Variants in IGF1R observed in about 807,000 individuals in gnomAD.
The protein encoded by IGF1R is insulin like growth factor 1 receptor.
Under a neutral mutation model 144.6 loss-of-function variants are expected in IGF1R, and 44 were observed. The ratio of observed to expected loss-of-function variants is 0.30; its 90% CI spans 0.24 to 0.39. The LOEUF (loss-of-function observed/expected upper bound fraction) is 0.39. Ranked by LOEUF, IGF1R falls within the 10% of genes least tolerant of loss-of-function variation. The probability of loss-of-function intolerance (pLI) is 1.00; values close to 1 mark genes in which losing one functional copy is unlikely to be tolerated. For synonymous variants in IGF1R, 795 were observed against 722.8 expected (o/e 1.10, Z -1.60); for missense variants, 1,355 against 1,833.7 (o/e 0.74, Z 4.77).
Position 98,935,385 on chromosome 15 carries a change from G to A in IGF1R, c.3256G>A (p.Asp1086Asn), listed in dbSNP as rs1277066179. 1 of 1,551,510 alleles carries A rather than the reference G, an allele frequency of 6.4e-7. No homozygotes were observed. Among genetic ancestry groups the A allele is most frequent in the East Asian group, 2.4e-5 (1 of 40,920 alleles). ...LVIMELMTRG[D>N]LKSYLRSLRP... ...CATCATGGAACTGATGACACGGGGCGATCTCAAAAGTTATCTCCGGTCTCT... is the reference window on the plus strand; with the variant it reads ...CATCATGGAACTGATGACACGGGGCAATCTCAAAAGTTATCTCCGGTCTCT... The change falls in exon 17 of 21, where the codon GAT becomes AAT. Residue 1086 changes from aspartate to asparagine, a missense_variant. By Grantham distance (23) the Asp-to-Asn change is conservative. Coordinates refer to ENST00000650285, the MANE Select transcript of IGF1R (RefSeq NM_000875.5). This position sits in a 1 kb window ranked among gnomAD's most constrained non-coding sequence, Gnocchi z 4.2.
At chr15:98,845,535 C>CCTCCTCCTCCCCCTCCTCT (rs1412438163) in intron 2 of IGF1R, among the ~76,000 whole-genome samples, 27 of 141,378 alleles carry the variant, frequency 1.9e-4, no homozygotes, top group African/African-American at 5.8e-4. Context: ...CCCCCTCCTT[C>CCTCCTCCTCCCCCTCCTCT]CTCCTCCTCC....
At chr15:98,789,630 C>G (rs1169216255) in intron 2 of IGF1R, among the ~76,000 whole-genome samples, 1 of 152,144 alleles carries the variant, frequency 6.6e-6, no homozygotes, top group Non-Finnish European at 1.5e-5. Flanking sequence ...TGATGTAGAC[C>G]TTTAACATTG....
chr15:98,924,469 G>A (rs914826781), intron 12 of IGF1R, 56 bp from the exon 13 acceptor site: 1 of 1,575,752 alleles, frequency 6.3e-7, no homozygotes, highest in Non-Finnish European at 8.7e-7. Context: ...TAGTTGGCAG[G>A]CCCCAGATTT....
In IGF1R at chr15:98,854,763, G is replaced by C. The variant is rs913150302; in HGVS notation, c.641-36562G>C. Among the ~76,000 whole-genome samples, 45 of 152,158 alleles carry C rather than the reference G, an allele frequency of 3.0e-4. 1 individual carries two copies. The highest frequency in any genetic ancestry group is 1.5e-5 in the Non-Finnish European group (1 of 68,020). On this transcript the variant is annotated intron_variant, in intron 2 of 20. Coordinates refer to ENST00000650285, the MANE Select transcript of IGF1R (RefSeq NM_000875.5). The stretch of plus-strand genomic sequence containing the variant: ...GGAATAGAAGAGCCCTGTGACTTGA[G>C]ACAAGCTTTGAGTGACACCCAGTGA...
chr15:98,760,806 A>G (rs1431191508), intron 2 of IGF1R, among the ~76,000 whole-genome samples: 1 of 152,224 alleles, frequency 6.6e-6, no homozygotes, highest in Non-Finnish European at 1.5e-5. Flanking sequence ...GTATTATGTA[A>G]GAAGGCTTAT....
rs2014871088 is a variant in IGF1R at position 98,909,125 on chromosome 15, G to A, written c.1462+226G>A. Among the ~76,000 whole-genome samples, 3 of 152,190 alleles carry A rather than the reference G, an allele frequency of 2.0e-5. No homozygotes were observed. In the South Asian group the frequency reaches 6.2e-4, roughly 31 times the overall value. ...ATAAATTCTGTACATCTCTGTGAGTGTGTGAAACACTTATAAGTAGGTTCT... is the reference window on the plus strand; with the variant it reads ...ATAAATTCTGTACATCTCTGTGAGTATGTGAAACACTTATAAGTAGGTTCT... On this transcript the variant is annotated intron_variant, in intron 6 of 20. Transcript: ENST00000650285.
At chr15:98,787,667 A>G (rs1329511698) in intron 2 of IGF1R, among the ~76,000 whole-genome samples, 1 of 151,900 alleles carries the variant, frequency 6.6e-6, no homozygotes, top group East Asian at 1.9e-4. Context: ...CTCTTAAAAC[A>G]GAGACCTCTC....
chr15:98,907,160 C>G (rs990081200), intron 5 of IGF1R, among the ~76,000 whole-genome samples: 3 of 152,172 alleles, frequency 2.0e-5, no homozygotes, highest in Non-Finnish European at 2.9e-5. Context: ...GGTCCTGGGT[C>G]CCAGTCTCTG....
At chr15:98,836,085 A>G (rs2057094356) in intron 2 of IGF1R, among the ~76,000 whole-genome samples, 1 of 152,214 alleles carries the variant, frequency 6.6e-6, no homozygotes, top group Non-Finnish European at 1.5e-5. Flanking sequence ...GACAATTATG[A>G]AATTCGTCCA....
chr15:98,937,378 C>T (rs2251687), intron 17 of IGF1R, among the ~76,000 whole-genome samples: 86,763 of 151,956 alleles, frequency 0.57, 25,111 homozygotes, highest in South Asian at 0.7. Context: ...CCTGGCTCTG[C>T]GGCTGGCTGC....
In IGF1R at chr15:98,682,691, G is replaced by A. The variant is rs574678546; in HGVS notation, c.95-24871G>A. Among the ~76,000 whole-genome samples the A allele has an allele frequency of 1.6e-3, 238 of 152,064 alleles. 2 individuals carry two copies. The highest frequency in any genetic ancestry group is 4.6e-3 in the Admixed American group (70 of 15,266). ...GCCTTCCAGGTAGCTGGGATTACAGGCACGTGCCACCATGCCTGGCTAATT... is the reference window on the plus strand; with the variant it reads ...GCCTTCCAGGTAGCTGGGATTACAGACACGTGCCACCATGCCTGGCTAATT... On this transcript the variant is annotated intron_variant, in intron 1 of 20. Coordinates refer to ENST00000650285, the MANE Select transcript of IGF1R (RefSeq NM_000875.5).
At chr15:98,802,190 T>C (rs1439424779) in intron 2 of IGF1R, among the ~76,000 whole-genome samples, 9 of 152,204 alleles carry the variant, frequency 5.9e-5, no homozygotes, top group Admixed American at 5.9e-4. Flanking sequence ...CGAGAGGGAA[T>C]GAGTTGAGGA....
chr15:98,765,755 G>A (rs2055421318), intron 2 of IGF1R, among the ~76,000 whole-genome samples: 1 of 152,150 alleles, frequency 6.6e-6, no homozygotes, highest in South Asian at 2.1e-4. Flanking sequence ...TGCATTCTTT[G>A]CAGTACCCTA....
At chr15:98,743,103 C>A (rs1221132674) in intron 2 of IGF1R, among the ~76,000 whole-genome samples, 1 of 152,096 alleles carries the variant, frequency 6.6e-6, no homozygotes, top group African/African-American at 2.4e-5. Flanking sequence ...TCTTTTACTT[C>A]CTTTTCTACC....
At position 98,698,220 on chromosome 15, in the gene IGF1R, G is replaced by C. The variant is rs995776075; in HGVS notation, c.95-9342G>C. Among the ~76,000 whole-genome samples, 6 of 147,614 alleles carry C rather than the reference G, an allele frequency of 4.1e-5. No homozygotes were observed. In the East Asian group the frequency reaches 1.2e-3, roughly 31 times the overall value. Reference sequence around the variant, plus strand: ...TGCCTGGCTAATTTTTGTATTTTTAGTGGAGATGGGGTTTCACCATGTTGG... The same window carrying C: ...TGCCTGGCTAATTTTTGTATTTTTACTGGAGATGGGGTTTCACCATGTTGG... On this transcript the variant is annotated intron_variant, in intron 1 of 20. Coordinates refer to ENST00000650285, the MANE Select transcript of IGF1R (RefSeq NM_000875.5).
chr15:98,666,688 A>C (rs182415258), intron 1 of IGF1R, among the ~76,000 whole-genome samples: 2 of 152,314 alleles, frequency 1.3e-5, no homozygotes, highest in Admixed American at 6.5e-5. Context: ...TAGAGTAGTC[A>C]CATTCATAGA....
intron 3 of IGF1R, among the ~76,000 whole-genome samples, chr15:98,894,891 G>T (rs773113093): frequency 6.6e-6 from 1 of 151,976 alleles, no homozygotes; most frequent in East Asian, 1.9e-4. Context: ...CCTGGTGATG[G>T]GTGCCTGTAT....
At chr15:98,703,786 G>C (rs967038567) in intron 1 of IGF1R, among the ~76,000 whole-genome samples, 2 of 152,218 alleles carry the variant, frequency 1.3e-5, no homozygotes, top group Non-Finnish European at 2.9e-5. Context: ...TTTGATTGCA[G>C]TATGAAGTTC....
chr15:98,730,569 G>A (rs2054475068), intron 2 of IGF1R, among the ~76,000 whole-genome samples: 1 of 152,140 alleles, frequency 6.6e-6, no homozygotes, highest in Admixed American at 6.5e-5. Context: ...TCAGCCTCCT[G>A]TTTTCCTGTG....
Sources: allele counts gnomAD v4.1 joint callset (sites outside exome capture counted in the v4.1 genomes callset), GRCh38; gene constraint gnomAD v4.1.1; non-coding constraint Gnocchi (gnomAD v3.1); transcripts MANE v1.5; gene names NCBI Gene and HGNC (gene_info 2026-07-23, HGNC 2026-07-21).